Variants in GRM7 observed in about 807,000 individuals in gnomAD.
GRM7 encodes the protein metabotropic glutamate receptor 7.
Under a neutral mutation model 84.5 loss-of-function variants are expected in GRM7, and 35 were observed. That is an observed-to-expected ratio of 0.41 (90% CI 0.32 to 0.55). The LOEUF is 0.55. GRM7 is among the 20% of genes least tolerant of loss of function. GRM7 has a pLI of 0.19. For synonymous variants in GRM7, 487 were observed against 455.1 expected (o/e 1.07, Z -0.89); for missense variants, 1,003 against 1,194.6 (o/e 0.84, Z 2.36).
At chr3:7,350,113 G>C (rs1693072469) in intron 4 of GRM7, among the ~76,000 whole-genome samples, 1 of 152,072 alleles carries the variant, frequency 6.6e-6, no homozygotes. Flanking sequence ...TAAGGACAAT[G>C]TTGTTTTGTA....
At chr3:7,333,567 A>G (rs1370712030) in intron 4 of GRM7, among the ~76,000 whole-genome samples, 1 of 152,182 alleles carries the variant, frequency 6.6e-6, no homozygotes, top group Non-Finnish European at 1.5e-5. Context: ...ATGAGGTTCT[A>G]TAACATCCCC....
chr3:6,891,852 C>A (rs540314764), intron 1 of GRM7, among the ~76,000 whole-genome samples: 5 of 152,190 alleles, frequency 3.3e-5, no homozygotes, highest in Admixed American at 6.5e-5. Context: ...CTATTCTCCC[C>A]GTCACTTTCA....
Position 7,740,435 on chromosome 3 carries a change from A to AT in GRM7, c.*29_*30insT. ...GTTCCATTCCATGGAACCATGGAGG[A>AT]GGAAGACCCTCAGTTATTTTGTCAC... is the stretch of plus-strand genomic sequence containing the variant. On this transcript the variant is annotated 3_prime_UTR_variant, in exon 10 of 10. Coordinates refer to ENST00000357716, the MANE Select transcript of GRM7 (RefSeq NM_000844.4). The AT allele has an allele frequency of 1.5e-6, 2 of 1,291,180 alleles. No homozygotes were observed. The highest frequency in any genetic ancestry group is 2.2e-6 in the Non-Finnish European group (2 of 912,962). The allele number at this position is 1,291,180 out of a possible 1,614,324, so 80.0% of individuals were successfully genotyped here.
At chr3:7,392,690 T>C (rs926638182) in intron 4 of GRM7, among the ~76,000 whole-genome samples, 6 of 152,136 alleles carry the variant, frequency 3.9e-5, no homozygotes, top group Non-Finnish European at 5.9e-5. Context: ...TCCTTTTTGG[T>C]TGAGTGGTGG....
chr3:7,463,878 C>G (rs561326186), intron 7 of GRM7, among the ~76,000 whole-genome samples: 1 of 152,082 alleles, frequency 6.6e-6, no homozygotes, highest in East Asian at 1.9e-4. Context: ...AAGTACTAAG[C>G]AAGGAAGTGA....
At chr3:6,968,504 T>A (rs1165689026) in intron 1 of GRM7, among the ~76,000 whole-genome samples, 1 of 152,238 alleles carries the variant, frequency 6.6e-6, no homozygotes, top group African/African-American at 2.4e-5. Context: ...TAATCGCACT[T>A]CTTTCATTTT....
At chr3:7,443,109 G>A (rs1394167418) in intron 5 of GRM7, among the ~76,000 whole-genome samples, 1 of 150,880 alleles carries the variant, frequency 6.6e-6, no homozygotes, top group Non-Finnish European at 1.5e-5. Context: ...TTATTTTCAT[G>A]AGCATCATGT....
intron 8 of GRM7, among the ~76,000 whole-genome samples, chr3:7,645,302 A>G (rs1388910866): frequency 6.6e-6 from 1 of 152,036 alleles, no homozygotes; most frequent in Non-Finnish European, 1.5e-5. Context: ...TAATCCCAGC[A>G]CTTTGGGAGG....
intron 7 of GRM7, among the ~76,000 whole-genome samples, chr3:7,498,878 C>G (rs1327390874): frequency 6.6e-6 from 1 of 152,206 alleles, no homozygotes. Flanking sequence ...TCCTTGGCTG[C>G]CTCCTTCCAC....
chr3:7,516,871 C>T (rs1249358342), intron 7 of GRM7, among the ~76,000 whole-genome samples: 1 of 152,152 alleles, frequency 6.6e-6, no homozygotes, highest in African/African-American at 2.4e-5. Context: ...TTTGCATTGG[C>T]AAGGCTTTGT....
intron 4 of GRM7, among the ~76,000 whole-genome samples, chr3:7,351,506 A>G (rs1265322479): frequency 2.0e-5 from 3 of 152,068 alleles, no homozygotes; most frequent in Non-Finnish European, 4.4e-5. Context: ...TGAAGGTTGC[A>G]TGCAGCATTG....
intron 2 of GRM7, among the ~76,000 whole-genome samples, chr3:7,264,595 T>G (rs1161819827): frequency 6.6e-6 from 1 of 152,226 alleles, no homozygotes; most frequent in African/African-American, 2.4e-5. Flanking sequence ...CATCTGTGTC[T>G]TCCCTCCATC....
chr3:7,640,432 A>G (rs1019476968), intron 8 of GRM7, among the ~76,000 whole-genome samples: 1 of 152,226 alleles, frequency 6.6e-6, no homozygotes, highest in African/African-American at 2.4e-5. Flanking sequence ...ACATGCCCAC[A>G]TGCCTGGAAT....
At chr3:7,694,754 C>G (rs570758529) in intron 9 of GRM7, among the ~76,000 whole-genome samples, 13 of 152,208 alleles carry the variant, frequency 8.5e-5, no homozygotes, top group African/African-American at 3.1e-4. Flanking sequence ...TGTTAGTACT[C>G]AGATATTTAA....
chr3:7,460,571 A>T (rs1698205275), intron 6 of GRM7, among the ~76,000 whole-genome samples: 1 of 152,138 alleles, frequency 6.6e-6, no homozygotes. Flanking sequence ...CGCTGGGAAT[A>T]TTGGTCCAGT....
chr3:7,526,791 C>T (rs1700824524), intron 7 of GRM7, among the ~76,000 whole-genome samples: 1 of 151,758 alleles, frequency 6.6e-6, no homozygotes, highest in East Asian at 1.9e-4. Context: ...AAGTCCTTTC[C>T]CTATTGTTTA....
chr3:7,049,242 A>C lies in GRM7; in HGVS notation c.520-97210A>C, dbSNP rs556885664. 6.6e-5 allele frequency among the ~76,000 whole-genome samples: 10 copies of C among 152,068 alleles called. No individual in the cohort carries two copies. The East Asian group carries it at 1.2e-3, about 18-fold the overall frequency. ...ACTGGTCTATTCTCATGCTGCTGAT[A>C]AATACCCAAGACTGCGCAATTTAGA... On this transcript the variant is annotated intron_variant, in intron 1 of 9. Transcript: ENST00000357716.
At chr3:7,347,952 A>G (rs1692965686) in intron 4 of GRM7, among the ~76,000 whole-genome samples, 1 of 152,182 alleles carries the variant, frequency 6.6e-6, no homozygotes. Context: ...TGCTGAATGC[A>G]CAATTCCATT....
At chr3:7,304,258 G>T (rs1162392289) in intron 3 of GRM7, among the ~76,000 whole-genome samples, 1 of 142,462 alleles carries the variant, frequency 7.0e-6, no homozygotes, top group Non-Finnish European at 1.5e-5. Flanking sequence ...AAATTTTAAA[G>T]TCTTTTTGTC....
Sources: allele counts gnomAD v4.1 joint callset (sites outside exome capture counted in the v4.1 genomes callset), GRCh38; gene constraint gnomAD v4.1.1; transcripts MANE v1.5; gene names NCBI Gene and HGNC (gene_info 2026-07-23, HGNC 2026-07-21).